The following EPHA6 variants were observed in gnomAD, a reference collection of about 807,000 sequenced individuals.
EPHA6 encodes the protein ephrin type-A receptor 6.
Under a neutral mutation model 112.0 loss-of-function variants are expected in EPHA6, and 50 were observed. That is an observed-to-expected ratio of 0.45 (90% CI 0.36 to 0.56). EPHA6 has a LOEUF of 0.56. EPHA6 is among the 20% of genes least tolerant of loss of function. EPHA6 has a pLI of 0.00. For synonymous variants in EPHA6, 529 were observed against 490.7 expected, an observed-to-expected ratio of 1.08 and a Z score of -1.03; for missense variants, 1,280 against 1,417.4, an observed-to-expected ratio of 0.90 and a Z score of 1.56.
chr3:97,051,910 C>T (rs1354169261), intron 3 of EPHA6, among the ~76,000 whole-genome samples: 1 of 152,028 alleles, frequency 6.6e-6, no homozygotes, highest in Non-Finnish European at 1.5e-5. Flanking sequence ...ATCTAATACT[C>T]GATCCGCTAG....
intron 3 of EPHA6, among the ~76,000 whole-genome samples, chr3:97,026,252 G>A (rs548044209): frequency 6.6e-6 from 1 of 151,656 alleles, no homozygotes; most frequent in Admixed American, 6.6e-5. Context: ...ATGGCCAATC[G>A]GGCTCTTTTT....
At chr3:97,592,512 A>G in intron 11 of EPHA6, 100 bp from the exon 12 acceptor site, 1 of 1,394,588 alleles carries the variant, frequency 7.2e-7, no homozygotes, top group Non-Finnish European at 9.9e-7. Flanking sequence ...TCTTCGTAAA[A>G]TTTGATGTCT....
chr3:97,326,980 C>T (rs2082459923), intron 5 of EPHA6, among the ~76,000 whole-genome samples: 1 of 152,044 alleles, frequency 6.6e-6, no homozygotes, highest in South Asian at 2.1e-4. Flanking sequence ...TATACAGTAG[C>T]TTCTCACTGG....
At chr3:97,618,721 G>GTTAAGA (rs2093787254) in intron 13 of EPHA6, among the ~76,000 whole-genome samples, 1 of 152,024 alleles carries the variant, frequency 6.6e-6, no homozygotes. Context: ...GGAAGAAATT[G>GTTAAGA]AATCCCTTAA....
intron 5 of EPHA6, among the ~76,000 whole-genome samples, chr3:97,250,076 A>T (rs2079091532): frequency 6.6e-6 from 1 of 152,218 alleles, no homozygotes; most frequent in Non-Finnish European, 1.5e-5. Context: ...AATTGAAGAG[A>T]AAATCTTGTA....
At chr3:97,035,901 G>A (rs1278494568) in intron 3 of EPHA6, among the ~76,000 whole-genome samples, 1 of 151,950 alleles carries the variant, frequency 6.6e-6, no homozygotes, top group African/African-American at 2.4e-5. Flanking sequence ...GATTCTCAGT[G>A]TGATGATATT....
At chr3:97,427,058 G>T (rs912226624) in intron 6 of EPHA6, among the ~76,000 whole-genome samples, 1 of 152,182 alleles carries the variant, frequency 6.6e-6, no homozygotes, top group Non-Finnish European at 1.5e-5. Flanking sequence ...TAGCGAGGTT[G>T]CAGAGAAAAA....
intron 3 of EPHA6, among the ~76,000 whole-genome samples, chr3:97,110,674 G>A (rs948421128): frequency 6.6e-6 from 1 of 151,882 alleles, no homozygotes; most frequent in Non-Finnish European, 1.5e-5. Context: ...ACAAGCATGT[G>A]CCACCACACC....
At chr3:96,933,744 A>G (rs557992427) in intron 2 of EPHA6, among the ~76,000 whole-genome samples, 61 of 152,246 alleles carry the variant, frequency 4.0e-4, no homozygotes, top group African/African-American at 1.5e-3. Flanking sequence ...GTTTATTATT[A>G]TAAATTTTAA....
intron 11 of EPHA6, among the ~76,000 whole-genome samples, chr3:97,566,018 C>CA (rs59606297): frequency 0.14 from 11,258 of 81,392 alleles, 1,519 homozygotes; most frequent in African/African-American, 0.37. Context: ...GACACCGTCT[C>CA]AAAAAAAAAA....
At chr3:97,035,587 T>C (rs1258697736) in intron 3 of EPHA6, among the ~76,000 whole-genome samples, 1 of 151,948 alleles carries the variant, frequency 6.6e-6, no homozygotes, top group Non-Finnish European at 1.5e-5. Flanking sequence ...ATTTTTGAGA[T>C]TTTGGCCTTC....
At chr3:97,577,805 G>A (rs889006197) in intron 11 of EPHA6, among the ~76,000 whole-genome samples, 1 of 151,934 alleles carries the variant, frequency 6.6e-6, no homozygotes, top group African/African-American at 2.4e-5. Flanking sequence ...TTTTGTTTTT[G>A]TTTTTGTTTT....
chr3:97,428,426 T>C (rs2089296951), intron 6 of EPHA6, among the ~76,000 whole-genome samples: 1 of 152,168 alleles, frequency 6.6e-6, no homozygotes, highest in South Asian at 2.1e-4. Context: ...TTTATATCAC[T>C]TTAGTATATT....
rs551077054 is a variant in EPHA6 at position 96,935,395 on chromosome 3, G to T, written c.451-51935G>T. On this transcript the variant is annotated intron_variant, in intron 2 of 17. Coordinates refer to ENST00000389672, the MANE Select transcript of EPHA6 (RefSeq NM_001080448.3). The stretch of plus-strand genomic sequence containing the variant: ...ATATAACTTGTGATATTTAATTTTG[G>T]TTAAACATTTACACATATTTTAACT... Among the ~76,000 whole-genome samples the T allele has an allele frequency of 2.0e-5, 3 of 150,794 alleles. No homozygotes were observed. In the South Asian group the frequency reaches 6.3e-4, roughly 32 times the overall value.
intron 1 of EPHA6, among the ~76,000 whole-genome samples, chr3:96,864,856 T>G (rs1262684551): frequency 6.6e-6 from 1 of 152,112 alleles, no homozygotes; most frequent in Non-Finnish European, 1.5e-5. Context: ...GGATATGTCA[T>G]TGCATTAAGG....
In EPHA6 at chr3:97,220,015, G is replaced by T. The variant is rs114234165; in HGVS notation, c.1115-6249G>T. ...CTAAATCATCTCTCATGAGTTCAAG[G>T]TTCCACAGATCTCTAGGACAGGAGC... On this transcript the variant is annotated intron_variant, in intron 3 of 17. Coordinates refer to ENST00000389672, the MANE Select transcript of EPHA6 (RefSeq NM_001080448.3). Among the ~76,000 whole-genome samples the T allele has an allele frequency of 9.2e-3, 1,408 of 152,232 alleles. 20 individuals are homozygous for T. Among genetic ancestry groups the T allele is most frequent in the African/African-American group, 0.032 (1,324 of 41,532 alleles).
intron 14 of EPHA6, among the ~76,000 whole-genome samples, chr3:97,697,481 G>A (rs2033114759): frequency 6.6e-6 from 1 of 152,152 alleles, no homozygotes; most frequent in African/African-American, 2.4e-5. Context: ...GAACAAGTGG[G>A]ATGCTTCTTA....
At chr3:96,884,553 T>C (rs1410745921) in intron 2 of EPHA6, among the ~76,000 whole-genome samples, 1 of 152,238 alleles carries the variant, frequency 6.6e-6, no homozygotes, top group Non-Finnish European at 1.5e-5. Context: ...GAAGAGCTAC[T>C]GACTTGTGTA....
chr3:96,825,484 T>C (rs889030840), intron 1 of EPHA6, among the ~76,000 whole-genome samples: 23 of 152,068 alleles, frequency 1.5e-4, no homozygotes, highest in Admixed American at 6.6e-4. Flanking sequence ...TAGTTACTTG[T>C]CATCCCCTAT....
Sources: gnomAD v4.1 joint callset for allele counts (sites outside exome capture counted in the v4.1 genomes callset) on GRCh38, gnomAD v4.1.1 for gene constraint, MANE v1.5 for transcripts, NCBI Gene and HGNC (gene_info 2026-07-23, HGNC 2026-07-21) for gene names.